The following CACNA1C variants were observed in gnomAD, a reference collection of about 807,000 sequenced individuals.
CACNA1C encodes the protein calcium voltage-gated channel subunit alpha1 C, also known as voltage-dependent L-type calcium channel subunit alpha-1C.
A neutral mutation model predicts 229.0 loss-of-function variants in CACNA1C; 30 were observed. That is an observed-to-expected ratio of 0.13 (90% CI 0.10 to 0.18). The LOEUF (loss-of-function observed/expected upper bound fraction) is 0.18, where lower values mean the gene tolerates loss of function less well. CACNA1C is among the 10% of genes least tolerant of loss of function. The probability of loss-of-function intolerance (pLI) is 1.00; values close to 1 mark genes in which losing one functional copy is unlikely to be tolerated. For synonymous variants in CACNA1C, 1,114 were observed against 1,132.5 expected (o/e 0.98, Z 0.33); for missense variants, 1,658 against 2,845.0 (o/e 0.58, Z 9.49).
At chr12:2,256,314 G>A (rs79472832) in intron 3 of CACNA1C, among the ~76,000 whole-genome samples, 10,218 of 152,144 alleles carry the variant, frequency 0.067, 500 homozygotes, top group African/African-American at 0.13. Context: ...AGTCACCTTG[G>A]GCACATTGGT....
At chr12:2,446,571 GTGAA>G (rs1485938969) in intron 3 of CACNA1C, among the ~76,000 whole-genome samples, 3 of 150,578 alleles carry the variant, frequency 2.0e-5, no homozygotes, top group Non-Finnish European at 3.0e-5. Flanking sequence ...GCATAGGTGG[GTGAA>G]TGGATGGATG....
intron 3 of CACNA1C, among the ~76,000 whole-genome samples, chr12:2,424,815 C>CCATGGG (rs2099013171): frequency 6.6e-6 from 1 of 152,204 alleles, no homozygotes; most frequent in Non-Finnish European, 1.5e-5. Context: ...CTGGCAGAGG[C>CCATGGG]CATGGGCATG....
chr12:2,205,132 C>T (rs2097717716), intron 3 of CACNA1C, among the ~76,000 whole-genome samples: 1 of 152,172 alleles, frequency 6.6e-6, no homozygotes, highest in African/African-American at 2.4e-5. Flanking sequence ...GACATTCCTC[C>T]TTCCCTTTCC....
At chr12:2,173,858 A>G (rs1056080137) in intron 3 of CACNA1C, among the ~76,000 whole-genome samples, 2 of 152,096 alleles carry the variant, frequency 1.3e-5, no homozygotes, top group African/African-American at 4.8e-5. Context: ...TGCTATGATG[A>G]TGGGGAGCCC....
At chr12:2,464,038 T>A (rs2099533796) in intron 5 of CACNA1C, among the ~76,000 whole-genome samples, 1 of 152,246 alleles carries the variant, frequency 6.6e-6, no homozygotes, top group Non-Finnish European at 1.5e-5. Context: ...CGTTTCCTGC[T>A]TTCCATTTCA....
intron 1 of CACNA1C, among the ~76,000 whole-genome samples, chr12:2,038,382 T>C (rs983533081): frequency 1.3e-5 from 2 of 152,208 alleles, no homozygotes; most frequent in Non-Finnish European, 2.9e-5. Flanking sequence ...GGTGACTACT[T>C]AATCCGACTA....
At chr12:2,164,497 A>C (rs930247989) in intron 3 of CACNA1C, among the ~76,000 whole-genome samples, 2 of 151,972 alleles carry the variant, frequency 1.3e-5, no homozygotes, top group Non-Finnish European at 2.9e-5. Flanking sequence ...ATTGTAGACT[A>C]AGCCGAAGAG....
Position 2,680,406 on chromosome 12 carries a change from G to A in CACNA1C, c.5444+610G>A, listed in dbSNP as rs371574216. ...GCTGGATGGTGGGACCTTCCCTCCCGCCCTGGGCCCCCGCAGGGCTCCTCC... is the reference window on the plus strand; with the variant it reads ...GCTGGATGGTGGGACCTTCCCTCCCACCCTGGGCCCCCGCAGGGCTCCTCC... On this transcript the variant is annotated intron_variant, in intron 42 of 46. Transcript: ENST00000399655. 1.1e-4 allele frequency: 175 copies of A among 1,560,646 alleles called. No individual in the cohort carries two copies. The highest frequency in any genetic ancestry group is 8.1e-5 in the African/African-American group (6 of 73,646).
At chr12:2,252,572 A>G (rs2075976406) in intron 3 of CACNA1C, among the ~76,000 whole-genome samples, 2 of 152,202 alleles carry the variant, frequency 1.3e-5, no homozygotes, top group Non-Finnish European at 2.9e-5. Flanking sequence ...CTGTCTATCA[A>G]GAAGCAGGGA....
At position 2,127,658 on chromosome 12, in the gene CACNA1C, T is replaced by C. The variant is rs567848875; in HGVS notation, c.477+7228T>C. Among the ~76,000 whole-genome samples, 5 of 152,206 alleles carry C rather than the reference T, an allele frequency of 3.3e-5. No homozygotes were observed. In the South Asian group the frequency reaches 6.2e-4, roughly 19 times the overall value. On this transcript the variant is annotated intron_variant, in intron 3 of 46. Coordinates refer to ENST00000399655, the MANE Select transcript of CACNA1C (RefSeq NM_000719.7). The stretch of plus-strand genomic sequence containing the variant: ...GAGAGAATGAGCTTGACACAGCGCA[T>C]TGGGAAAGTGCTTCTACGGAGTCAG...
chr12:2,462,813 T>C (rs1217731824), intron 5 of CACNA1C, among the ~76,000 whole-genome samples: 2 of 152,154 alleles, frequency 1.3e-5, no homozygotes, highest in African/African-American at 4.8e-5. Flanking sequence ...AGGCAATATA[T>C]AGATATGTAG....
chr12:2,310,922 G>A (rs576158197), intron 3 of CACNA1C, among the ~76,000 whole-genome samples: 34 of 152,316 alleles, frequency 2.2e-4, no homozygotes, highest in Non-Finnish European at 2.6e-4. Flanking sequence ...CAGCCCCTAC[G>A]TTCAGCAGAA....
At chr12:2,061,880 A>T (rs2057644671) in intron 1 of CACNA1C, among the ~76,000 whole-genome samples, 2 of 152,210 alleles carry the variant, frequency 1.3e-5, no homozygotes, top group African/African-American at 4.8e-5. Context: ...TTGGAAAATA[A>T]ACTTATTTAT....
chr12:2,680,222 G>A (rs1299455444), intron 42 of CACNA1C: 36 of 605,128 alleles, frequency 5.9e-5, no homozygotes, highest in South Asian at 2.9e-4. Flanking sequence ...CCAGCCTCCC[G>A]GAGAGGGCAT....
chr12:2,256,406 T>C (rs916095555), intron 3 of CACNA1C, among the ~76,000 whole-genome samples: 7 of 152,230 alleles, frequency 4.6e-5, no homozygotes, highest in African/African-American at 7.2e-5. Flanking sequence ...AAGCCCTTTT[T>C]CCCCTTATTC....
intron 13 of CACNA1C, among the ~76,000 whole-genome samples, chr12:2,572,814 C>CT (rs2056675855): frequency 1.9e-5 from 2 of 104,408 alleles, no homozygotes; most frequent in Non-Finnish European, 2.1e-5. Context: ...TCCTTCTCCT[C>CT]TCCTCCTCCT....
intron 8 of CACNA1C, among the ~76,000 whole-genome samples, chr12:2,508,682 G>A (rs865986328): frequency 1.6e-4 from 24 of 152,134 alleles, no homozygotes; most frequent in African/African-American, 5.6e-4. Context: ...ATTTTTAATG[G>A]AAATTCAAAG....
chr12:2,124,762 A>T (rs2089253690), intron 3 of CACNA1C, among the ~76,000 whole-genome samples: 1 of 152,034 alleles, frequency 6.6e-6, no homozygotes, highest in East Asian at 1.9e-4. Flanking sequence ...GGATGGTGAT[A>T]CGAGGAGCCA....
Position 2,651,829 on chromosome 12 carries a change from A to G in CACNA1C, c.4074+61A>G, listed in dbSNP as rs2153655814. The G allele has an allele frequency of 3.7e-6, 5 of 1,352,052 alleles. No individual in the cohort carries two copies. Among genetic ancestry groups the G allele is most frequent in the South Asian group, 2.7e-5 (2 of 72,814 alleles). The allele number at this position is 1,352,052 out of a possible 1,614,324, so 83.8% of individuals were successfully genotyped here. A position where few individuals can be genotyped will look rare whatever the true frequency, so the allele number is the denominator to read the frequency against. ...GCAGGGCTGCCGCGTGGCCCAGAACACAGCTGACACAAGGAGGAGCCCTCC... is the reference window on the plus strand; with the variant it reads ...GCAGGGCTGCCGCGTGGCCCAGAACGCAGCTGACACAAGGAGGAGCCCTCC... On this transcript the variant is annotated intron_variant, in intron 32 of 46. Coordinates refer to ENST00000399655, the MANE Select transcript of CACNA1C (RefSeq NM_000719.7). This position sits in a 1 kb window ranked among gnomAD's most constrained non-coding sequence, Gnocchi z 5.4.
Sources: gnomAD v4.1 joint callset for allele counts (sites outside exome capture counted in the v4.1 genomes callset) on GRCh38, gnomAD v4.1.1 for gene constraint, Gnocchi (gnomAD v3.1) non-coding constraint, MANE v1.5 for transcripts, NCBI Gene and HGNC (gene_info 2026-07-23, HGNC 2026-07-21) for gene names.